Variants in ACAP3 observed in about 807,000 individuals in gnomAD.
ACAP3 encodes arf-GAP with coiled-coil, ANK repeat and PH domain-containing protein 3.
ACAP3 carries 56 observed loss-of-function variants against 104.1 expected under a neutral mutation model. The observed-to-expected ratio is 0.54, with a 90% CI of 0.43 to 0.67. The LOEUF is 0.67. Ranked by LOEUF, ACAP3 falls within the 30% of genes least tolerant of loss-of-function variation. ACAP3 has a pLI of 0.00. For missense variants in ACAP3, 1,208 were observed against 1,174.9 expected, an observed-to-expected ratio of 1.03 and a Z score of -0.41; for synonymous variants, 628 against 496.2, an observed-to-expected ratio of 1.27 and a Z score of -3.53.
chr1:1,299,342 T>C lies in ACAP3; in HGVS notation c.750+3A>G. 1.3e-6 allele frequency: 2 copies of C among 1,590,010 alleles called. No individual in the cohort carries two copies. The highest frequency in any genetic ancestry group is 2.3e-5 in the East Asian group (1 of 43,968). ...AGCCCGCCCAGGGCCCGTGCTCACT[T>C]ACCTGCAGCAGCGTCTGGAGGGCCG... On this transcript the variant is annotated splice_donor_region_variant and intron_variant, in intron 10 of 23. Coordinates refer to ENST00000354700, the MANE Select transcript of ACAP3 (RefSeq NM_030649.3).
chr1:1,295,703 C>G (rs1372531028), intron 18 of ACAP3, 33 bp downstream of exon 18: 2 of 1,577,548 alleles, frequency 1.3e-6, no homozygotes, highest in South Asian at 1.1e-5. Context: ...CAAGGCAAGC[C>G]CCTCCCAGCC....
Position 1,298,356 on chromosome 1 carries a change from G to A in ACAP3, c.915+14C>T, listed in dbSNP as rs370148876. ...TCCAGCCATCAGGGCCCCAGCCCCAGGCCCAGGGCACACCTTGAGCTTCTT... is the reference window on the plus strand; with the variant it reads ...TCCAGCCATCAGGGCCCCAGCCCCAAGCCCAGGGCACACCTTGAGCTTCTT... On this transcript the variant is annotated intron_variant, in intron 12 of 23. Coordinates refer to ENST00000354700, the MANE Select transcript of ACAP3 (RefSeq NM_030649.3). 3.7e-6 allele frequency: 6 copies of A among 1,605,338 alleles called. No individual in the cohort carries two copies. The highest frequency in any genetic ancestry group is 1.1e-5 in the South Asian group (1 of 90,432).
Position 1,303,810 on chromosome 1 carries a change from C to A in ACAP3, c.105+276G>T. ...ACAGCAGCTGTCCCCGTGTCACCAG[C>A]CCAGCAGAGGGGACGGGCAGCCACC... On this transcript the variant is annotated intron_variant, in intron 2 of 23. Transcript: ENST00000354700. This position sits in a 1 kb window ranked among gnomAD's most constrained non-coding sequence, Gnocchi z 4.0. The A allele has an allele frequency of 1.8e-6, 1 of 552,174 alleles. No homozygotes were observed. The highest frequency in any genetic ancestry group is 3.2e-6 in the Non-Finnish European group (1 of 308,402). 34.2% of individuals were successfully genotyped at this position (552,174 alleles called of 1,614,324 possible). A position where few individuals can be genotyped will look rare whatever the true frequency, so the allele number is the denominator to read the frequency against.
intron 5 of ACAP3, among the ~76,000 whole-genome samples, chr1:1,301,089 G>A (rs902337645): frequency 3.3e-5 from 5 of 151,964 alleles, no homozygotes; most frequent in African/African-American, 1.2e-4. Context: ...TTTGAGACAG[G>A]GTCTGTCTCT....
chr1:1,307,925 CG>C lies in ACAP3; in HGVS notation c.-111del. ...GCGCCGCCTCGGCGCCCGCCCGCCC[CG>C]GAATGAGGCCGCCGCGCCGCGCCCC... is the stretch of plus-strand genomic sequence containing the variant. On this transcript the variant is annotated 5_prime_UTR_variant, in exon 1 of 24. Transcript: ENST00000354700. 1 of 519,384 alleles carries C rather than the reference CG, an allele frequency of 1.9e-6. No homozygotes were observed. The highest frequency in any genetic ancestry group is 2.1e-5 in the African/African-American group (1 of 47,564). 32.2% of individuals were successfully genotyped at this position (519,384 alleles called of 1,614,324 possible). A position where few individuals can be genotyped will look rare whatever the true frequency, so the allele number is the denominator to read the frequency against.
intron 1 of ACAP3, chr1:1,307,138 T>C (rs761562587): frequency 1.6e-6 from 2 of 1,252,828 alleles, no homozygotes; most frequent in Non-Finnish European, 2.1e-6. Context: ...GCAAAGCCGA[T>C]GCACACTTGT....
Position 1,307,854 on chromosome 1 carries a change from C to G in ACAP3, c.-39G>C, listed in dbSNP as rs1641814228. The G allele has an allele frequency of 9.9e-7, 1 of 1,007,378 alleles. No homozygotes were observed. The highest frequency in any genetic ancestry group is 4.5e-5 in the South Asian group (1 of 22,204). The allele number at this position is 1,007,378 out of a possible 1,614,324, so 62.4% of individuals were successfully genotyped here. ...GCGGCGCTCACTGGCACGAGGACCGCGGCGCCGAGCGGCAGCCGCGCCGGC... is the reference window on the plus strand; with the variant it reads ...GCGGCGCTCACTGGCACGAGGACCGGGGCGCCGAGCGGCAGCCGCGCCGGC... On this transcript the variant is annotated 5_prime_UTR_variant, in exon 1 of 24. Coordinates refer to ENST00000354700, the MANE Select transcript of ACAP3 (RefSeq NM_030649.3).
intron 1 of ACAP3, 62 bp from the exon 2 acceptor site, chr1:1,304,205 T>TC (rs1049265198): frequency 8.1e-5 from 124 of 1,539,142 alleles, no homozygotes; most frequent in Non-Finnish European, 1.1e-4. Flanking sequence ...GGGCTTCACC[T>TC]CCCCCCGCAC....
intron 9 of ACAP3, chr1:1,299,610 GACC>G (rs1221759755): frequency 1.4e-6 from 1 of 708,782 alleles, no homozygotes; most frequent in East Asian, 2.8e-5. Context: ...CCACAGAGGT[GACC>G]ACCGCCTCAA....
rs890502597 is a variant in ACAP3, at chr1:1,299,081, T to C, written c.750+264A>G. 7 of 575,626 alleles carry C rather than the reference T, an allele frequency of 1.2e-5. No homozygotes were observed. The African/African-American group carries it at 1.4e-4, about 11-fold the overall frequency. 35.7% of individuals were successfully genotyped at this position (575,626 alleles called of 1,614,324 possible). On this transcript the variant is annotated intron_variant, in intron 10 of 23. Transcript: ENST00000354700. ...ACTGAGGGCCCTGTGTGTCCCGCCA[T>C]CTGGCAGGCCAGGGAAGCAGAGGGG...
chr1:1,299,141 T>A, intron 10 of ACAP3: 2 of 659,462 alleles, frequency 3.0e-6, no homozygotes, highest in Non-Finnish European at 5.2e-6. Context: ...CCACATGGGA[T>A]GGGAAGGGAC....
At chr1:1,299,300 G>A in intron 10 of ACAP3, 45 bp downstream of exon 10, 2 of 1,586,494 alleles carry the variant, frequency 1.3e-6, no homozygotes, top group Non-Finnish European at 1.7e-6. Flanking sequence ...CGCCCCATCT[G>A]GTCTCCCCCG....
In ACAP3 at chr1:1,296,287, A is replaced by G. The variant is rs1170458632; in HGVS notation, c.1338-7T>C. 1 of 1,554,924 alleles carries G rather than the reference A, an allele frequency of 6.4e-7. No individual in the cohort carries two copies. The highest frequency in any genetic ancestry group is 1.2e-5 in the South Asian group (1 of 84,610). ...GCAGTGGACACCCAGGCTCCTGGAG[A>G]GCAGAGGTAGGGATGAGTCTGGGGG... On this transcript the variant is annotated splice_polypyrimidine_tract_variant and splice_region_variant and intron_variant, in intron 15 of 23. Transcript: ENST00000354700.
intron 1 of ACAP3, chr1:1,304,424 C>G (rs1205223737): frequency 5.4e-6 from 3 of 553,014 alleles, no homozygotes; most frequent in Non-Finnish European, 9.8e-6. Context: ...CTGGGAGTCC[C>G]TCAGGGACAG....
rs944072227 is a variant in ACAP3, at chr1:1,299,803, G to A, written c.738+28C>T. 5.9e-6 allele frequency: 9 copies of A among 1,537,380 alleles called. No individual in the cohort carries two copies. In the East Asian group the frequency reaches 1.7e-4, roughly 29 times the overall value. ...CGCAGGGGCCTCCCAGGCGCCTGGT[G>A]TGCAGGGAGCCGGCTGCGCGGCCTC... On this transcript the variant is annotated intron_variant, in intron 9 of 23. Coordinates refer to ENST00000354700, the MANE Select transcript of ACAP3 (RefSeq NM_030649.3).
In ACAP3 at chr1:1,303,477, G is replaced by A; in HGVS notation, c.106-196C>T. 5.6e-6 allele frequency: 4 copies of A among 708,680 alleles called. No homozygotes were observed. The highest frequency in any genetic ancestry group is 4.1e-4 in the Middle Eastern group (1 of 2,424). The allele number at this position is 708,680 out of a possible 1,614,324, so 43.9% of individuals were successfully genotyped here. On this transcript the variant is annotated intron_variant, in intron 2 of 23. Coordinates refer to ENST00000354700, the MANE Select transcript of ACAP3 (RefSeq NM_030649.3). This position sits in a 1 kb window ranked among gnomAD's most constrained non-coding sequence, Gnocchi z 4.0. ...CTTGGAGGCCCGTCTGGGAGGGGAG[G>A]GTGGGGCCGCCACGGCTCGGCTGGG...
chr1:1,300,321 G>C (rs1273767560), intron 6 of ACAP3, 119 bp from the exon 7 acceptor site: 1 of 1,334,922 alleles, frequency 7.5e-7, no homozygotes, highest in African/African-American at 1.5e-5. Flanking sequence ...GTCGTCTTCA[G>C]CTCCCAGCTC....
Position 1,299,350 on chromosome 1 carries a change from G to A in ACAP3, c.745C>T (p.Leu249=), listed in dbSNP as rs1386587942. The change falls in exon 10 of 24, where the codon CTG becomes TTG. Residue 249 remains leucine (L), a synonymous_variant. Coordinates refer to ENST00000354700, the MANE Select transcript of ACAP3 (RefSeq NM_030649.3). ...KHAAIQQRTL[L]QDFSYDESKV... The stretch of plus-strand genomic sequence containing the variant: ...CAGGGCCCGTGCTCACTTACCTGCA[G>A]CAGCGTCTGGAGGGCCGGAGCAGGA... The A allele has an allele frequency of 2.5e-6, 4 of 1,583,674 alleles. No individual in the cohort carries two copies. Among genetic ancestry groups the A allele is most frequent in the East Asian group, 2.3e-5 (1 of 43,798 alleles).
intron 19 of ACAP3, 90 bp downstream of exon 19, chr1:1,295,357 C>T (rs1433451242): frequency 3.2e-6 from 4 of 1,261,292 alleles, no homozygotes; most frequent in Non-Finnish European, 4.5e-6. Flanking sequence ...CTGCTCCATT[C>T]CCTGGCAAGG....
Sources: gnomAD v4.1 joint callset for allele counts (sites outside exome capture counted in the v4.1 genomes callset) on GRCh38, gnomAD v4.1.1 for gene constraint, Gnocchi (gnomAD v3.1) non-coding constraint, MANE v1.5 for transcripts, NCBI Gene and HGNC (gene_info 2026-07-23, HGNC 2026-07-21) for gene names.